Variants in SYNM observed in about 807,000 individuals in gnomAD.
The protein encoded by SYNM is synemin.
A neutral mutation model predicts 104.0 loss-of-function variants in SYNM; 95 were observed. The observed-to-expected ratio is 0.91, with a 90% CI of 0.77 to 1.08. SYNM has a LOEUF of 1.08. SYNM is among the 50% of genes least tolerant of loss of function. The probability of loss-of-function intolerance (pLI) is 0.00; values close to 1 mark genes in which losing one functional copy is unlikely to be tolerated. For synonymous variants in SYNM, 918 were observed against 869.0 expected (o/e 1.06, Z -0.99); for missense variants, 2,150 against 2,052.2 (o/e 1.05, Z -0.92).
chr15:99,123,255 T>A (rs1218644432), intron 2 of SYNM, among the ~76,000 whole-genome samples: 1 of 151,940 alleles, frequency 6.6e-6, no homozygotes, highest in African/African-American at 2.4e-5. Context: ...GTCCTGCGCT[T>A]GCTTCCTCTC....
At chr15:99,127,111 A>G (rs1221636214) in intron 3 of SYNM, among the ~76,000 whole-genome samples, 1 of 152,214 alleles carries the variant, frequency 6.6e-6, no homozygotes, top group African/African-American at 2.4e-5. Context: ...CACCCCTGGA[A>G]GGGACACTCC....
Position 99,105,169 on chromosome 15 carries a change from C to A in SYNM, c.-31C>A. The A allele has an allele frequency of 6.4e-7, 1 of 1,560,124 alleles. No homozygotes were observed. Among genetic ancestry groups the A allele is most frequent in the Non-Finnish European group, 8.6e-7 (1 of 1,158,590 alleles). ...CAAGACCAGGGCAGGAGGGAGCCGG[C>A]CAGCCGCGAGAACCCCGCACGCCCG... On this transcript the variant is annotated 5_prime_UTR_variant, in exon 1 of 4. Transcript: ENST00000336292.
chr15:99,133,170 C>CT lies in SYNM; in HGVS notation c.*118dup, dbSNP rs1243836954. The CT allele has an allele frequency of 1.3e-6, 2 of 1,505,948 alleles. No homozygotes were observed. The highest frequency in any genetic ancestry group is 4.5e-5 in the Admixed American group (2 of 44,698). 93.3% of individuals were successfully genotyped at this position (1,505,948 alleles called of 1,614,324 possible). A position where few individuals can be genotyped will look rare whatever the true frequency, so the allele number is the denominator to read the frequency against. On this transcript the variant is annotated 3_prime_UTR_variant, in exon 4 of 4. Transcript: ENST00000336292. ...GTCTATGAAAATCTCCCCTTTTTTACTTTTTTAAAGAGTACTCCCGGCATG... is the reference window on the plus strand; with the variant it reads ...GTCTATGAAAATCTCCCCTTTTTTACTTTTTTTAAAGAGTACTCCCGGCATG...
At chr15:99,129,215 C>T (rs565868015) in intron 3 of SYNM, 152 bp from the exon 4 acceptor site, 1 of 1,150,452 alleles carries the variant, frequency 8.7e-7, no homozygotes, top group Non-Finnish European at 1.2e-6. Context: ...ATAATTTGGG[C>T]ACCAAATATA....
At chr15:99,129,112 G>A (rs1216186569) in intron 3 of SYNM, 6 of 501,534 alleles carry the variant, frequency 1.2e-5, no homozygotes, top group African/African-American at 9.6e-5. Flanking sequence ...AGATGAGTGA[G>A]TATTTTAATA....
chr15:99,105,229 C>G lies in SYNM; in HGVS notation c.30C>G (p.Pro10=). ...TGTCCTGGCGGCTGCAGACGGGCCC[C>G]GAGAAGGCCGAGCTCCAGGAGCTCA... MLSWRLQTG[P]EKAELQELNA... is the part of the protein sequence containing the mutation. Residue 10 remains proline (P), a synonymous_variant, in exon 1 of 4, where the codon CCC becomes CCG. Coordinates refer to ENST00000336292, the MANE Select transcript of SYNM (RefSeq NM_145728.3). The G allele has an allele frequency of 1.9e-6, 3 of 1,573,626 alleles. No homozygotes were observed. The highest frequency in any genetic ancestry group is 1.7e-6 in the Non-Finnish European group (2 of 1,161,046).
chr15:99,131,289 G>C lies in SYNM; in HGVS notation c.2929G>C (p.Gly977Arg). ...GTCCGCCCTCACCAGAGAGGGGCAG[G>C]GTGGGCCGGGGAGCGTTTCCGTGGA... is the stretch of plus-strand genomic sequence containing the variant. The part of the protein sequence containing the change: ...ELSALTREGQ[G>R]GPGSVSVDVK... Residue 977 changes from glycine (G) to arginine (R), a missense_variant, in exon 4 of 4, where the codon GGT becomes CGT. Coordinates refer to ENST00000336292, the MANE Select transcript of SYNM (RefSeq NM_145728.3). This position sits in a 1 kb window ranked among gnomAD's most constrained non-coding sequence, Gnocchi z 4.3. 1 of 1,612,570 alleles carries C rather than the reference G, an allele frequency of 6.2e-7. No homozygotes were observed. The highest frequency in any genetic ancestry group is 8.5e-7 in the Non-Finnish European group (1 of 1,179,498).
At chr15:99,136,730 C>G (rs1188872674), downstream of SYNM, 1 of 146,216 alleles carries the variant, frequency 6.8e-6, no homozygotes, top group Non-Finnish European at 1.5e-5. Context: ...CCCATGTCAA[C>G]TAGATAGGAC....
Position 99,132,417 on chromosome 15 carries a change from C to T in SYNM, c.4057C>T (p.Gln1353Ter). Residue 1353 changes from glutamine to a stop codon, truncating the protein, a stop_gained, in exon 4 of 4, where the codon CAG becomes TAG. Coordinates refer to ENST00000336292, the MANE Select transcript of SYNM (RefSeq NM_145728.3). LOFTEE classifies it high-confidence loss of function. ...CGGAGAGGGCTCAGCAGATGTGCAC[C>T]AGGCCACTCACAGTCATACCTCGGG... ...VHGEGSADVH[Q>*]ATHSHTSGRQ... 1.2e-6 allele frequency: 2 copies of T among 1,613,990 alleles called. No individual in the cohort carries two copies. The highest frequency in any genetic ancestry group is 1.1e-5 in the South Asian group (1 of 91,076).
intron 1 of SYNM, among the ~76,000 whole-genome samples, chr15:99,111,227 C>T (rs782415308): frequency 1.2e-4 from 18 of 152,104 alleles, no homozygotes; most frequent in East Asian, 9.6e-4. Flanking sequence ...GAGCTTTCAT[C>T]GTATTTTTTT....
chr15:99,106,101 C>T, intron 1 of SYNM, 92 bp downstream of exon 1: 7 of 1,288,396 alleles, frequency 5.4e-6, no homozygotes, highest in Non-Finnish European at 7.0e-6. Flanking sequence ...GCCCCTTCAC[C>T]AGGGGCGCGG....
At chr15:99,125,573 C>T (rs540062835) in intron 2 of SYNM, among the ~76,000 whole-genome samples, 19 of 152,364 alleles carry the variant, frequency 1.2e-4, no homozygotes, top group Non-Finnish European at 2.1e-4. Context: ...ACAGGGCTCT[C>T]GTGTTCATGG....
chr15:99,111,885 C>T (rs1448913655), intron 1 of SYNM, among the ~76,000 whole-genome samples: 1 of 152,138 alleles, frequency 6.6e-6, no homozygotes, highest in Non-Finnish European at 1.5e-5. Context: ...TCTCTACTAA[C>T]AATACAAAAA....
At position 99,130,759 on chromosome 15, in the gene SYNM, A is replaced by T. The variant is rs2067494177; in HGVS notation, c.2399A>T (p.Asn800Ile). The change falls in exon 4 of 4, where the codon AAT becomes ATT. Residue 800 changes from asparagine to isoleucine, a missense_variant. Transcript: ENST00000336292. ...GAAAGCGATGTCACATTCTCAGTTA[A>T]TCAGCATCGAAGGACCAAGCAGCCT... is the stretch of plus-strand genomic sequence containing the variant. The part of the protein sequence containing the change: ...YGESDVTFSV[N>I]QHRRTKQPQE... 6.2e-7 allele frequency: 1 copy of T among 1,613,884 alleles called. No individual in the cohort carries two copies. The highest frequency in any genetic ancestry group is 1.3e-5 in the African/African-American group (1 of 74,918).
intron 1 of SYNM, among the ~76,000 whole-genome samples, chr15:99,107,196 A>T (rs140857714): frequency 5.3e-5 from 8 of 152,298 alleles, no homozygotes; most frequent in Admixed American, 2.0e-4. Context: ...ATAACTTTTC[A>T]AAGTGTTCTC....
intron 1 of SYNM, 129 bp downstream of exon 1, chr15:99,106,138 G>C (rs542525599): frequency 9.7e-7 from 1 of 1,031,678 alleles, no homozygotes; most frequent in African/African-American, 1.7e-5. Flanking sequence ...GGCCCGCCCA[G>C]AGGGTGCCCG....
Position 99,131,321 on chromosome 15 carries a change from G to A in SYNM, c.2961G>A (p.Lys987=). 1 of 1,613,270 alleles carries A rather than the reference G, an allele frequency of 6.2e-7. No homozygotes were observed. Among genetic ancestry groups the A allele is most frequent in the Non-Finnish European group, 8.5e-7 (1 of 1,179,710 alleles). The part of the protein sequence containing the change: ...GGPGSVSVDV[K]KVQGAGGSSV... ...CGGGGAGCGTTTCCGTGGATGTCAA[G>A]AAGGTCCAGGGTGCTGGTGGCAGTT... Residue 987 remains lysine (K), a synonymous_variant, in exon 4 of 4, where the codon AAG becomes AAA. Coordinates refer to ENST00000336292, the MANE Select transcript of SYNM (RefSeq NM_145728.3). This position sits in a 1 kb window ranked among gnomAD's most constrained non-coding sequence, Gnocchi z 4.3.
chr15:99,108,315 C>G (rs1555483059), intron 1 of SYNM, among the ~76,000 whole-genome samples: 1 of 152,014 alleles, frequency 6.6e-6, no homozygotes. Flanking sequence ...TTTTACTGCA[C>G]TAAGTGTTAC....
intron 1 of SYNM, among the ~76,000 whole-genome samples, chr15:99,108,844 C>T (rs1474522143): frequency 6.6e-6 from 1 of 152,214 alleles, no homozygotes; most frequent in African/African-American, 2.4e-5. Context: ...AGTATTCTTG[C>T]ATTCATAGCA....
Sources: gnomAD v4.1 joint callset for allele counts (sites outside exome capture counted in the v4.1 genomes callset) on GRCh38, gnomAD v4.1.1 for gene constraint, Gnocchi (gnomAD v3.1) non-coding constraint, MANE v1.5 for transcripts, NCBI Gene and HGNC (gene_info 2026-07-23, HGNC 2026-07-21) for gene names.